Variants in POLN observed in about 807,000 individuals in gnomAD.
POLN encodes DNA polymerase N.
Under a neutral mutation model 113.5 loss-of-function variants are expected in POLN, and 108 were observed. That is an observed-to-expected ratio of 0.95 (90% confidence interval 0.81 to 1.12). POLN has a LOEUF of 1.12. Ranked by LOEUF, POLN falls within the 50% of genes most tolerant of loss-of-function variation. The pLI is 0.00. For missense variants in POLN, 1,097 were observed against 1,077.1 expected, an observed-to-expected ratio of 1.02 and a Z score of -0.26; for synonymous variants, 386 against 391.5, an observed-to-expected ratio of 0.99 and a Z score of 0.17.
intron 7 of POLN, among the ~76,000 whole-genome samples, chr4:2,180,012 T>C (rs1383417026): frequency 6.6e-6 from 1 of 152,210 alleles, no homozygotes; most frequent in Non-Finnish European, 1.5e-5. Context: ...AAGGCAAAGA[T>C]ACTTTGGCAT....
chr4:2,188,461 C>T (rs1462167632), intron 7 of POLN, among the ~76,000 whole-genome samples: 1 of 151,958 alleles, frequency 6.6e-6, no homozygotes, highest in African/African-American at 2.4e-5. Context: ...ATTAGCCGGG[C>T]CTGGTGGCGG....
At chr4:2,086,147 G>A (rs1730543971) in intron 20 of POLN, among the ~76,000 whole-genome samples, 1 of 152,170 alleles carries the variant, frequency 6.6e-6, no homozygotes, top group African/African-American at 2.4e-5. Flanking sequence ...TCTAGAAGAT[G>A]CAGGTGTTCT....
intron 19 of POLN, among the ~76,000 whole-genome samples, chr4:2,120,605 T>C (rs1731416234): frequency 6.6e-6 from 1 of 152,116 alleles, no homozygotes; most frequent in Non-Finnish European, 1.5e-5. Flanking sequence ...GTGATTCTCC[T>C]GTCTCAGTCT....
At chr4:2,186,122 C>T (rs1475421773) in intron 7 of POLN, among the ~76,000 whole-genome samples, 2 of 152,200 alleles carry the variant, frequency 1.3e-5, no homozygotes, top group Non-Finnish European at 2.9e-5. Flanking sequence ...CCCCAATCTG[C>T]CAGTCACCAA....
chr4:2,090,604 C>T (rs775205971), intron 20 of POLN: 21 of 435,126 alleles, frequency 4.8e-5, no homozygotes, highest in Non-Finnish European at 8.7e-5. Context: ...TCGAACATTC[C>T]GATGCTGGGC....
rs374922217 is a variant in POLN at position 2,127,253 on chromosome 4, C to G, written c.1982+860G>C. The stretch of plus-strand genomic sequence containing the variant: ...GGGAGGGGACAGTGACTCAGACACA[C>G]GGACCTTCCAACAGCCAGCACACAC... On this transcript the variant is annotated intron_variant, in intron 19 of 25. Coordinates refer to ENST00000511885, the MANE Select transcript of POLN (RefSeq NM_181808.4). The surrounding 1 kb of genome is among the most constrained non-coding windows in gnomAD (Gnocchi z 4.7). Among the ~76,000 whole-genome samples, 7 of 152,086 alleles carry G rather than the reference C, an allele frequency of 4.6e-5. No individual in the cohort carries two copies. In the East Asian group the frequency reaches 5.8e-4, roughly 13 times the overall value.
At chr4:2,240,624 G>C (rs778396440) in intron 2 of POLN, 1 of 1,613,662 alleles carries the variant, frequency 6.2e-7, no homozygotes, top group Admixed American at 1.7e-5. Flanking sequence ...TTTCAGTAGA[G>C]TTTGAACCTC....
rs932071430 is a variant in POLN, at chr4:2,224,587, C to G, written c.133+4512G>C. Reference sequence around the variant, plus strand: ...GTTGACTGTATGACATAGCTATATACTATATACAGAGTGCTATACTTTTAT... The same window carrying G: ...GTTGACTGTATGACATAGCTATATAGTATATACAGAGTGCTATACTTTTAT... On this transcript the variant is annotated intron_variant, in intron 3 of 25. Coordinates refer to ENST00000511885, the MANE Select transcript of POLN (RefSeq NM_181808.4). 2.6e-5 allele frequency among the ~76,000 whole-genome samples: 4 copies of G among 152,076 alleles called. No individual in the cohort carries two copies. The East Asian group carries it at 5.8e-4, about 22-fold the overall frequency.
intron 7 of POLN, among the ~76,000 whole-genome samples, chr4:2,180,179 G>C (rs1733099877): frequency 1.3e-5 from 2 of 152,152 alleles, no homozygotes; most frequent in South Asian, 4.1e-4. Flanking sequence ...TGGGGGGAAA[G>C]ATTACTGTAA....
chr4:2,240,745 C>T lies in POLN; in HGVS notation c.-13+775G>A, dbSNP rs747113129. 6.2e-6 allele frequency: 10 copies of T among 1,613,944 alleles called. No homozygotes were observed. The Admixed American group carries it at 1.0e-4, about 16-fold the overall frequency. ...GCCGCCCCTTCTAGAATAGGCTTGCCTGATTTCTGAAGAATGCTAAAAGCT... is the reference window on the plus strand; with the variant it reads ...GCCGCCCCTTCTAGAATAGGCTTGCTTGATTTCTGAAGAATGCTAAAAGCT... On this transcript the variant is annotated intron_variant, in intron 2 of 25. Transcript: ENST00000511885.
chr4:2,186,184 C>G (rs1733267715), intron 7 of POLN, among the ~76,000 whole-genome samples: 1 of 152,174 alleles, frequency 6.6e-6, no homozygotes, highest in African/African-American at 2.4e-5. Context: ...AAAAGTGAGA[C>G]TGAGGTGGAC....
rs114057097 is a variant in POLN, at chr4:2,163,810, C to G, written c.1555-4599G>C. 8.7e-3 allele frequency among the ~76,000 whole-genome samples: 1,321 copies of G among 152,346 alleles called. 23 individuals carry two copies. Among genetic ancestry groups the G allele is most frequent in the African/African-American group, 0.03 (1,264 of 41,580 alleles). On this transcript the variant is annotated intron_variant, in intron 13 of 25. Coordinates refer to ENST00000511885, the MANE Select transcript of POLN (RefSeq NM_181808.4). Reference sequence around the variant, plus strand: ...TTTAGTAAAAATCAGCTGGCAGCTTCCAAGTGTGGATTCCCAGCATGGGAC... The same window carrying G: ...TTTAGTAAAAATCAGCTGGCAGCTTGCAAGTGTGGATTCCCAGCATGGGAC...
intron 19 of POLN, among the ~76,000 whole-genome samples, chr4:2,125,516 C>A (rs189581037): frequency 6.6e-6 from 1 of 152,178 alleles, no homozygotes; most frequent in Non-Finnish European, 1.5e-5. Context: ...TTCTCTCAGT[C>A]CACATGGCCT....
At chr4:2,203,322 C>T (rs1474242324) in intron 5 of POLN, among the ~76,000 whole-genome samples, 1 of 152,080 alleles carries the variant, frequency 6.6e-6, no homozygotes, top group Non-Finnish European at 1.5e-5. Context: ...TGGTTCACGC[C>T]TGTAATCCCA....
At chr4:2,117,157 G>A (rs1731335775) in intron 19 of POLN, among the ~76,000 whole-genome samples, 1 of 152,186 alleles carries the variant, frequency 6.6e-6, no homozygotes, top group African/African-American at 2.4e-5. Context: ...ACTGGTGGTT[G>A]TCATGGCAGA....
rs532819751 is a variant in POLN, at chr4:2,091,382, C to G, written c.2065+4469G>C. Among the ~76,000 whole-genome samples the G allele has an allele frequency of 3.3e-5, 5 of 152,246 alleles. 1 individual carries two copies. In the South Asian group the frequency reaches 1.0e-3, roughly 32 times the overall value. On this transcript the variant is annotated intron_variant, in intron 20 of 25. Coordinates refer to ENST00000511885, the MANE Select transcript of POLN (RefSeq NM_181808.4). ...CACAAGAGAGCGGACGGTGTGGTGG[C>G]TCCACAAGCAGCAGGGACGAGAGAC...
chr4:2,092,189 G>A (rs1225994932), intron 20 of POLN, among the ~76,000 whole-genome samples: 4 of 152,132 alleles, frequency 2.6e-5, no homozygotes, highest in African/African-American at 7.2e-5. Context: ...CGAGCCCCTC[G>A]GGAACAGGCA....
At chr4:2,147,326 G>C (rs766782189) in intron 16 of POLN, among the ~76,000 whole-genome samples, 6 of 152,324 alleles carry the variant, frequency 3.9e-5, no homozygotes, top group Non-Finnish European at 8.8e-5. Context: ...GCTCCTGGCA[G>C]TGCAATGAGA....
At chr4:2,185,430 G>C (rs1185485525) in intron 7 of POLN, among the ~76,000 whole-genome samples, 2 of 152,206 alleles carry the variant, frequency 1.3e-5, no homozygotes. Context: ...AGAACATATA[G>C]ATGAAAAGAG....
Sources: gnomAD v4.1 joint callset for allele counts (sites outside exome capture counted in the v4.1 genomes callset) on GRCh38, gnomAD v4.1.1 for gene constraint, Gnocchi (gnomAD v3.1) non-coding constraint, MANE v1.5 for transcripts, NCBI Gene and HGNC (gene_info 2026-07-23, HGNC 2026-07-21) for gene names.